The following ECT2 variants were observed in gnomAD, a reference collection of about 807,000 sequenced individuals.
The protein encoded by ECT2 is epithelial cell transforming 2.
A neutral mutation model predicts 116.9 loss-of-function variants in ECT2; 61 were observed. That is an observed-to-expected ratio of 0.52 (90% CI 0.42 to 0.65). ECT2 has a LOEUF of 0.65. Among genes scored for constraint, ECT2 ranks in the 30% least tolerant of loss-of-function variants. The probability of loss-of-function intolerance (pLI) is 0.00; values close to 1 mark genes in which losing one functional copy is unlikely to be tolerated. For synonymous variants in ECT2, 358 were observed against 346.4 expected (o/e 1.03, Z -0.37); for missense variants, 937 against 1,078.7 (o/e 0.87, Z 1.84).
intron 17 of ECT2, among the ~76,000 whole-genome samples, chr3:172,785,528 A>G (rs1723458342): frequency 6.6e-6 from 1 of 151,908 alleles, no homozygotes; most frequent in African/African-American, 2.4e-5. Context: ...AAAAAAAAAA[A>G]AAGAAGGATA....
intron 18 of ECT2, among the ~76,000 whole-genome samples, chr3:172,793,708 C>A (rs996441185): frequency 2.0e-5 from 3 of 151,846 alleles, no homozygotes; most frequent in African/African-American, 7.3e-5. Context: ...AAGCAATCCA[C>A]CCACATCAGC....
chr3:172,759,053 G>A lies in ECT2; in HGVS notation c.560G>A (p.Arg187Lys). ...CTAGTACTATGCTTTACTGGATTTA[G>A]GAAAAAAGAAGAACTAGTAAGTATT... Reference protein sequence around the residue: ...MNLVLCFTGFRKKEELVRLVT... With the variant: ...MNLVLCFTGFKKKEELVRLVT... Residue 187 changes from arginine (R) to lysine (K), a missense_variant, in exon 6 of 25, where the codon AGG becomes AAG. Coordinates refer to ENST00000392692, the MANE Select transcript of ECT2 (RefSeq NM_001258315.2). 1 of 1,596,730 alleles carries A rather than the reference G, an allele frequency of 6.3e-7. No homozygotes were observed. Among genetic ancestry groups the A allele is most frequent in the South Asian group, 1.1e-5 (1 of 87,516 alleles).
chr3:172,823,142 A>G (rs1024155356), downstream of ECT2, among the ~76,000 whole-genome samples: 1 of 152,176 alleles, frequency 6.6e-6, no homozygotes, highest in East Asian at 1.9e-4. Flanking sequence ...GTGAATTTTC[A>G]TCAATTTAAC....
At chr3:172,772,758 T>G (rs1205634841) in intron 13 of ECT2, among the ~76,000 whole-genome samples, 1 of 152,246 alleles carries the variant, frequency 6.6e-6, no homozygotes, top group Non-Finnish European at 1.5e-5. Flanking sequence ...TTTTTGTTTA[T>G]GTCCGTGACC....
chr3:172,821,283 A>G lies in ECT2; in HGVS notation c.*1046A>G, dbSNP rs771979476. On this transcript the variant is annotated 3_prime_UTR_variant, in exon 25 of 25. Transcript: ENST00000392692. Reference sequence around the variant, plus strand: ...ATGGATAAATGCATTTTTATTTCCTATTTCTTTAGGGAGTGCTACAAATGT... The same window carrying G: ...ATGGATAAATGCATTTTTATTTCCTGTTTCTTTAGGGAGTGCTACAAATGT... The G allele has an allele frequency of 5.9e-5, 9 of 151,928 alleles. No homozygotes were observed. Among genetic ancestry groups the G allele is most frequent in the Non-Finnish European group, 8.9e-5 (6 of 67,758 alleles). The allele number at this position is 151,928 out of a possible 1,614,324, so 9.4% of individuals were successfully genotyped here.
intron 18 of ECT2, chr3:172,796,544 C>G (rs1391937913): frequency 6.6e-6 from 1 of 152,096 alleles, no homozygotes; most frequent in Non-Finnish European, 1.5e-5. Flanking sequence ...TACGATACTG[C>G]CACTGCGCAA....
intron 6 of ECT2, among the ~76,000 whole-genome samples, chr3:172,759,586 C>T (rs1399190458): frequency 2.6e-5 from 4 of 152,048 alleles, no homozygotes; most frequent in African/African-American, 7.2e-5. Context: ...GGACTACAGG[C>T]GCCCGCCACC....
At chr3:172,826,145 T>C (rs1418177069), downstream of ECT2, among the ~76,000 whole-genome samples, 2 of 152,178 alleles carry the variant, frequency 1.3e-5, no homozygotes. Context: ...TCCGCCCACC[T>C]CGGCCTCCCA....
At chr3:172,799,951 C>T (rs1211380668) in intron 18 of ECT2, among the ~76,000 whole-genome samples, 1 of 152,202 alleles carries the variant, frequency 6.6e-6, no homozygotes, top group African/African-American at 2.4e-5. Flanking sequence ...ATTTTCCTTT[C>T]TGTCCTCTTT....
At chr3:172,824,931 A>G (rs951088396), downstream of ECT2, among the ~76,000 whole-genome samples, 1 of 152,226 alleles carries the variant, frequency 6.6e-6, no homozygotes, top group Non-Finnish European at 1.5e-5. Context: ...AAAGATCAGT[A>G]TATAATTTTG....
In ECT2 at chr3:172,755,373, A is replaced by G; in HGVS notation, c.209A>G (p.Lys70Arg). ...CAAGAAGAACTTATAAAAGCCTTAA[A>G]GGTACGGAGTTTTAGGTTTTAGTTT... ...GKQEELIKAL[K>R]TIKIMEVPVI... The change falls in exon 3 of 25, where the codon AAG (lysine) becomes AGG (arginine). Residue 70 changes from lysine to arginine, a missense_variant and splice_region_variant. Coordinates refer to ENST00000392692, the MANE Select transcript of ECT2 (RefSeq NM_001258315.2). The G allele has an allele frequency of 6.2e-7, 1 of 1,601,064 alleles. No individual in the cohort carries two copies. The highest frequency in any genetic ancestry group is 1.1e-5 in the South Asian group (1 of 87,860).
chr3:172,826,133 C>A (rs1432943029), downstream of ECT2, among the ~76,000 whole-genome samples: 1 of 152,068 alleles, frequency 6.6e-6, no homozygotes, highest in Non-Finnish European at 1.5e-5. Context: ...GACCTCAGGT[C>A]ATCCGCCCAC....
At chr3:172,755,036 A>G (rs753603847) in intron 2 of ECT2, among the ~76,000 whole-genome samples, 13 of 151,868 alleles carry the variant, frequency 8.6e-5, no homozygotes, top group Non-Finnish European at 1.6e-4. Context: ...GAGGATGACT[A>G]TGTAAGATAG....
At chr3:172,803,006 A>G (rs1363407498) in intron 20 of ECT2, 26 bp downstream of exon 20, 8 of 1,565,624 alleles carry the variant, frequency 5.1e-6, no homozygotes, top group Non-Finnish European at 6.9e-6. Flanking sequence ...ACATAGTATA[A>G]TAACACTACT....
intron 24 of ECT2, among the ~76,000 whole-genome samples, chr3:172,819,143 TC>T (rs1730296398): frequency 1.3e-5 from 2 of 152,156 alleles, no homozygotes; most frequent in Admixed American, 6.6e-5. Flanking sequence ...TCATAAAAGT[TC>T]CATGTGAGGA....
intron 22 of ECT2, among the ~76,000 whole-genome samples, chr3:172,808,422 G>A (rs1193006907): frequency 6.6e-6 from 1 of 151,574 alleles, no homozygotes; most frequent in Non-Finnish European, 1.5e-5. Flanking sequence ...AATGAAAGTT[G>A]CCAATCTATT....
At chr3:172,803,109 A>T in intron 20 of ECT2, 129 bp downstream of exon 20, 2 of 861,416 alleles carry the variant, frequency 2.3e-6, no homozygotes, top group East Asian at 6.2e-5. Context: ...TTTTTTAAAA[A>T]AATCGAGGAC....
chr3:172,805,537 A>G (rs1022991729), intron 20 of ECT2, among the ~76,000 whole-genome samples, 194 bp from the exon 21 acceptor site: 1 of 152,172 alleles, frequency 6.6e-6, no homozygotes, highest in African/African-American at 2.4e-5. Flanking sequence ...TCTTATATAA[A>G]CATGAACATT....
At chr3:172,811,324 C>CT (rs1407139678) in intron 22 of ECT2, among the ~76,000 whole-genome samples, 1 of 152,160 alleles carries the variant, frequency 6.6e-6, no homozygotes, top group African/African-American at 2.4e-5. Flanking sequence ...TTTACCCTAT[C>CT]TACCTTCCTC....
Sources: gnomAD v4.1 joint callset for allele counts (sites outside exome capture counted in the v4.1 genomes callset) on GRCh38, gnomAD v4.1.1 for gene constraint, MANE v1.5 for transcripts, NCBI Gene and HGNC (gene_info 2026-07-23, HGNC 2026-07-21) for gene names.